Variants in DCDC1 observed in about 807,000 individuals in gnomAD.
DCDC1 encodes the protein doublecortin domain containing 1.
DCDC1 carries 200 observed loss-of-function variants against 178.3 expected under a neutral mutation model. The observed-to-expected ratio is 1.12, with a 90% confidence interval of 1.00 to 1.26. The LOEUF is 1.26. DCDC1 is among the 50% of genes most tolerant of loss of function. The pLI is 0.00. For synonymous variants in DCDC1, 690 were observed against 604.8 expected (o/e 1.14, Z -2.07); for missense variants, 1,983 against 1,749.2 (o/e 1.13, Z -2.38).
intron 20 of DCDC1, among the ~76,000 whole-genome samples, chr11:31,005,228 C>A (rs1264297327): frequency 6.6e-6 from 1 of 152,220 alleles, no homozygotes; most frequent in Non-Finnish European, 1.5e-5. Flanking sequence ...CTCCACAAAC[C>A]TGCACCAGTA....
intron 1 of DCDC1, among the ~76,000 whole-genome samples, chr11:31,360,034 CT>C (rs1256017282): frequency 6.6e-6 from 1 of 152,168 alleles, no homozygotes; most frequent in African/African-American, 2.4e-5. Flanking sequence ...TGTAAAAGTG[CT>C]TGTTAATTTA....
intron 21 of DCDC1, among the ~76,000 whole-genome samples, chr11:30,940,931 GC>G (rs575188043): frequency 1.3e-5 from 2 of 152,052 alleles, no homozygotes; most frequent in South Asian, 4.1e-4. Context: ...AACACCTTTT[GC>G]TTTGATTCTA....
In DCDC1 at chr11:30,922,632, C is replaced by A; in HGVS notation, c.3004G>T (p.Val1002Phe). The stretch of plus-strand genomic sequence containing the variant: ...TTGATCCAGAGTTCTCCACATGAAA[C>A]ATACACCTATCAAACAAAGCATCTC... ...KDLQRDELVY[V>F]SCGELWINPD... Residue 1002 changes from valine to phenylalanine, a missense_variant, in exon 24 of 39, where the codon GTT becomes TTT. By Grantham distance (50) the Val-to-Phe change is conservative. Coordinates refer to ENST00000684477, the MANE Select transcript of DCDC1 (RefSeq NM_001387274.1). 6.5e-7 allele frequency: 1 copy of A among 1,543,422 alleles called. No homozygotes were observed. The highest frequency in any genetic ancestry group is 2.4e-5 in the East Asian group (1 of 40,972).
chr11:31,309,146 G>GTGTGTGTGTA (rs1948626729), intron 3 of DCDC1, among the ~76,000 whole-genome samples: 1 of 150,588 alleles, frequency 6.6e-6, no homozygotes, highest in Non-Finnish European at 1.5e-5. Flanking sequence ...AGATGTTTGT[G>GTGTGTGTGTA]TGTGTGTGTG....
chr11:31,079,990 A>C (rs1957080448), intron 17 of DCDC1, among the ~76,000 whole-genome samples: 1 of 152,192 alleles, frequency 6.6e-6, no homozygotes, highest in African/African-American at 2.4e-5. Context: ...TCAGGGTATA[A>C]CTGACCCCTA....
At chr11:30,923,252 G>A (rs1345530403) in intron 23 of DCDC1, among the ~76,000 whole-genome samples, 1 of 152,016 alleles carries the variant, frequency 6.6e-6, no homozygotes, top group Admixed American at 6.6e-5. Flanking sequence ...GCACCATATG[G>A]CCCACAAAAC....
At chr11:30,925,641 C>G (rs902643312) in intron 22 of DCDC1, among the ~76,000 whole-genome samples, 2 of 152,078 alleles carry the variant, frequency 1.3e-5, no homozygotes, top group Non-Finnish European at 2.9e-5. Context: ...TCTTACCTTC[C>G]AGGGTTTCTG....
intron 20 of DCDC1, among the ~76,000 whole-genome samples, chr11:31,014,714 A>G (rs1275113486): frequency 6.6e-6 from 1 of 152,124 alleles, no homozygotes; most frequent in Non-Finnish European, 1.5e-5. Context: ...CCTAATTATA[A>G]TCCTTCATGA....
chr11:30,937,587 T>G (rs1947353569), intron 21 of DCDC1, among the ~76,000 whole-genome samples: 1 of 152,176 alleles, frequency 6.6e-6, no homozygotes, highest in African/African-American at 2.4e-5. Flanking sequence ...GATCTTGATC[T>G]AACCTTTTTC....
intron 20 of DCDC1, among the ~76,000 whole-genome samples, chr11:31,043,141 T>C (rs1954587556): frequency 6.6e-6 from 1 of 152,164 alleles, no homozygotes; most frequent in South Asian, 2.1e-4. Context: ...ATGGCAAGTA[T>C]TTGTGTATCT....
chr11:30,954,203 G>C (rs1208294664), intron 20 of DCDC1, among the ~76,000 whole-genome samples: 2 of 151,558 alleles, frequency 1.3e-5, no homozygotes, highest in African/African-American at 2.4e-5. Flanking sequence ...TTTTAGTAGA[G>C]ACGGGGTTTC....
intron 6 of DCDC1, among the ~76,000 whole-genome samples, chr11:31,297,069 G>A (rs974748480): frequency 3.3e-5 from 5 of 152,154 alleles, no homozygotes; most frequent in East Asian, 1.9e-4. Flanking sequence ...AATGTGGTTC[G>A]AGGGCTGACA....
chr11:31,073,799 T>C (rs946783518), intron 18 of DCDC1, among the ~76,000 whole-genome samples: 2 of 152,200 alleles, frequency 1.3e-5, no homozygotes, highest in African/African-American at 4.8e-5. Context: ...TAAAGGTGAA[T>C]AGTTTGGGCT....
At chr11:31,118,062 T>C (rs180701831) in intron 11 of DCDC1, among the ~76,000 whole-genome samples, 5 of 152,208 alleles carry the variant, frequency 3.3e-5, no homozygotes, top group Admixed American at 3.3e-4. Context: ...AAAGTCAGTG[T>C]TTTTTTGATG....
At chr11:31,114,335 A>T (rs2756191) in intron 11 of DCDC1, among the ~76,000 whole-genome samples, 46,881 of 152,004 alleles carry the variant, frequency 0.31, 8,448 homozygotes, top group East Asian at 0.63. Context: ...TTTTACAGGC[A>T]TTATGCAGGG....
chr11:31,177,069 A>C (rs1968138016), intron 9 of DCDC1, among the ~76,000 whole-genome samples: 1 of 152,148 alleles, frequency 6.6e-6, no homozygotes, highest in Non-Finnish European at 1.5e-5. Context: ...TTAAAGTCAA[A>C]ATGGTCAAAA....
chr11:30,894,247 C>A lies in DCDC1; in HGVS notation c.4902+1G>T. 7 of 1,611,590 alleles carry A rather than the reference C, an allele frequency of 4.3e-6. No homozygotes were observed. Among genetic ancestry groups the A allele is most frequent in the Non-Finnish European group, 5.9e-6 (7 of 1,179,250 alleles). ...AATGTCCAGAATCCCAAAGAACATA[C>A]CTCTGTATGTCTTATAAGTTCCATG... is the stretch of plus-strand genomic sequence containing the variant. On this transcript the variant is annotated splice_donor_variant, in intron 35 of 38. Coordinates refer to ENST00000684477, the MANE Select transcript of DCDC1 (RefSeq NM_001387274.1). LOFTEE classifies it high-confidence loss of function.
chr11:30,872,598 A>G (rs1020576757), intron 38 of DCDC1, among the ~76,000 whole-genome samples: 1 of 152,060 alleles, frequency 6.6e-6, no homozygotes, highest in Non-Finnish European at 1.5e-5. Flanking sequence ...TGGTAGCTTG[A>G]GCATGCCACG....
At chr11:30,968,668 T>G in intron 20 of DCDC1, among the ~76,000 whole-genome samples, 1 of 139,526 alleles carries the variant, frequency 7.2e-6, no homozygotes, top group Non-Finnish European at 1.5e-5. Flanking sequence ...ATACATCAAA[T>G]ATATATATCA....
Sources: gnomAD v4.1 joint callset for allele counts (sites outside exome capture counted in the v4.1 genomes callset) on GRCh38, gnomAD v4.1.1 for gene constraint, MANE v1.5 for transcripts, NCBI Gene and HGNC (gene_info 2026-07-23, HGNC 2026-07-21) for gene names.